GRIK1: variants seen among roughly 807,000 people sequenced by gnomAD.
GRIK1 encodes the protein glutamate receptor ionotropic, kainate 1.
A neutral mutation model predicts 105.7 loss-of-function variants in GRIK1; 69 were observed. The observed-to-expected ratio is 0.65, with a 90% CI of 0.54 to 0.80. The LOEUF (loss-of-function observed/expected upper bound fraction) is 0.80. Ranked by LOEUF, GRIK1 falls within the 30% of genes least tolerant of loss-of-function variation. The probability of loss-of-function intolerance (pLI) is 0.00; values close to 1 mark genes in which losing one functional copy is unlikely to be tolerated. For synonymous variants in GRIK1, 438 were observed against 431.3 expected, an observed-to-expected ratio of 1.02 and a Z score of -0.19; for missense variants, 1,109 against 1,167.3, an observed-to-expected ratio of 0.95 and a Z score of 0.73.
chr21:29,596,354 G>T lies in GRIK1; in HGVS notation c.1251+172C>A, dbSNP rs200901904. 1,252 of 733,082 alleles carry T rather than the reference G, an allele frequency of 1.7e-3. 2 individuals are homozygous for T. Among genetic ancestry groups the T allele is most frequent in the Admixed American group, 2.6e-3 (138 of 52,960 alleles). The allele number at this position is 733,082 out of a possible 1,614,324, so 45.4% of individuals were successfully genotyped here. A position where few individuals can be genotyped will look rare whatever the true frequency, so the allele number is the denominator to read the frequency against. The stretch of plus-strand genomic sequence containing the variant: ...AACCTGTTTTCAATTCACAGGTGAT[G>T]TTGTTGAGAGAGATAACATATTCAA... On this transcript the variant is annotated intron_variant, in intron 9 of 17. Transcript: ENST00000327783.
intron 1 of GRIK1, among the ~76,000 whole-genome samples, chr21:29,715,831 G>A (rs1241703026): frequency 6.6e-6 from 1 of 151,762 alleles, no homozygotes; most frequent in Non-Finnish European, 1.5e-5. Context: ...ACAATGTTAA[G>A]TTCTTTAAAT....
intron 3 of GRIK1, among the ~76,000 whole-genome samples, chr21:29,685,258 T>A (rs2063467458): frequency 6.6e-6 from 1 of 152,128 alleles, no homozygotes; most frequent in African/African-American, 2.4e-5. Flanking sequence ...TAGTACAGAG[T>A]ATGCAAATAT....
chr21:29,537,729 T>C (rs2089902951), intron 17 of GRIK1, 69 bp downstream of exon 17: 1 of 830,876 alleles, frequency 1.2e-6, no homozygotes, highest in African/African-American at 1.7e-5. Flanking sequence ...CCCACTGAGA[T>C]GATCCAAACA....
At chr21:29,564,114 T>G (rs1217428413) in intron 14 of GRIK1, among the ~76,000 whole-genome samples, 1 of 152,240 alleles carries the variant, frequency 6.6e-6, no homozygotes, top group African/African-American at 2.4e-5. Flanking sequence ...TAGAAAAATT[T>G]TATGAAACAT....
chr21:29,689,701 G>A (rs747330494), intron 3 of GRIK1, 27 bp downstream of exon 3: 14 of 1,606,088 alleles, frequency 8.7e-6, no homozygotes, highest in Admixed American at 8.3e-5. Flanking sequence ...AGACATGGTC[G>A]GGTGAGGTCT....
intron 1 of GRIK1, among the ~76,000 whole-genome samples, chr21:29,810,870 TC>T (rs1445269868): frequency 6.6e-6 from 1 of 152,112 alleles, no homozygotes; most frequent in Non-Finnish European, 1.5e-5. Flanking sequence ...AGCTACAGGT[TC>T]AGATAACAAC....
At chr21:29,883,195 T>G (rs1015147801) in intron 1 of GRIK1, among the ~76,000 whole-genome samples, 1 of 152,082 alleles carries the variant, frequency 6.6e-6, no homozygotes, top group African/African-American at 2.4e-5. Flanking sequence ...AGTAGGAAAA[T>G]GTATTTGTAT....
rs1305474320 is a variant in GRIK1, at chr21:29,673,204, G to A, written c.545-40C>T. On this transcript the variant is annotated intron_variant, in intron 3 of 17. Coordinates refer to ENST00000327783, the MANE Select transcript of GRIK1 (RefSeq NM_001330994.2). Reference sequence around the variant, plus strand: ...GCAATCATGCAATGGAGACTGTTCTGTCGACAGAGTATTGTTTATTGCCAT... The same window carrying A: ...GCAATCATGCAATGGAGACTGTTCTATCGACAGAGTATTGTTTATTGCCAT... 4 of 1,356,712 alleles carry A rather than the reference G, an allele frequency of 2.9e-6. No homozygotes were observed. In the Admixed American group the frequency reaches 5.5e-5, roughly 18 times the overall value. 84.0% of individuals were successfully genotyped at this position (1,356,712 alleles called of 1,614,324 possible).
intron 4 of GRIK1, chr21:29,657,779 A>G (rs533563505): frequency 2.5e-4 from 38 of 152,362 alleles, no homozygotes; most frequent in African/African-American, 8.9e-4. Context: ...TGAGACCAGT[A>G]GCCCTGTCGT....
At chr21:29,736,444 G>C (rs891705306) in intron 1 of GRIK1, among the ~76,000 whole-genome samples, 1 of 152,054 alleles carries the variant, frequency 6.6e-6, no homozygotes, top group African/African-American at 2.4e-5. Flanking sequence ...GGCCAGGCTG[G>C]TTTGGAACTC....
chr21:29,681,443 C>T (rs1163883449), intron 3 of GRIK1, among the ~76,000 whole-genome samples: 1 of 152,176 alleles, frequency 6.6e-6, no homozygotes, highest in Non-Finnish European at 1.5e-5. Context: ...CTTGCTGTTG[C>T]TCTGAGGTAC....
At chr21:29,756,000 C>T (rs1252279341) in intron 1 of GRIK1, among the ~76,000 whole-genome samples, 1 of 152,202 alleles carries the variant, frequency 6.6e-6, no homozygotes, top group Non-Finnish European at 1.5e-5. Flanking sequence ...ATAAAAACCT[C>T]TTAAAGAATG....
intron 1 of GRIK1, among the ~76,000 whole-genome samples, chr21:29,711,235 G>A (rs1260051646): frequency 2.0e-5 from 3 of 151,914 alleles, no homozygotes; most frequent in African/African-American, 7.3e-5. Context: ...TTATCCTATA[G>A]GATTATAATG....
intron 4 of GRIK1, among the ~76,000 whole-genome samples, chr21:29,655,366 C>A (rs966232744): frequency 1.4e-4 from 22 of 152,028 alleles, no homozygotes; most frequent in African/African-American, 4.1e-4. Flanking sequence ...CCAGACTGTA[C>A]CATTGCACTC....
rs187195197 is a variant in GRIK1 at position 29,706,707 on chromosome 21, A to G, written c.119-12644T>C. Among the ~76,000 whole-genome samples, 453 of 152,346 alleles carry G rather than the reference A, an allele frequency of 3.0e-3. 1 individual carries two copies. The highest frequency in any genetic ancestry group is 5.8e-3 in the Admixed American group (89 of 15,310). The stretch of plus-strand genomic sequence containing the variant: ...TGAAAATAAAGGACAGTTAAACATC[A>G]TATCACAGAGGGATCTGTGTTAGGA... On this transcript the variant is annotated intron_variant, in intron 1 of 17. Coordinates refer to ENST00000327783, the MANE Select transcript of GRIK1 (RefSeq NM_001330994.2).
chr21:29,873,437 T>C (rs994868412), intron 1 of GRIK1, among the ~76,000 whole-genome samples: 1 of 152,224 alleles, frequency 6.6e-6, no homozygotes, highest in Non-Finnish European at 1.5e-5. Flanking sequence ...TAAACTTGGA[T>C]ATATTTCTTA....
chr21:29,773,615 A>G (rs893841678), intron 1 of GRIK1, among the ~76,000 whole-genome samples: 1 of 152,132 alleles, frequency 6.6e-6, no homozygotes, highest in Non-Finnish European at 1.5e-5. Context: ...ATTCCTATAT[A>G]TCTCTACAAG....
intron 1 of GRIK1, among the ~76,000 whole-genome samples, chr21:29,822,609 G>A (rs1317884844): frequency 6.6e-6 from 1 of 151,922 alleles, no homozygotes; most frequent in South Asian, 2.1e-4. Context: ...ACATCTTCTA[G>A]GAATTATCTA....
At chr21:29,881,774 C>T (rs1227403068) in intron 1 of GRIK1, among the ~76,000 whole-genome samples, 1 of 152,098 alleles carries the variant, frequency 6.6e-6, no homozygotes, top group African/African-American at 2.4e-5. Context: ...GGAATCATCC[C>T]TTGATATAAA....
Sources: gnomAD v4.1 joint callset for allele counts (sites outside exome capture counted in the v4.1 genomes callset) on GRCh38, gnomAD v4.1.1 for gene constraint, MANE v1.5 for transcripts, NCBI Gene and HGNC (gene_info 2026-07-23, HGNC 2026-07-21) for gene names.